The following CNTN1 variants were observed in gnomAD, a reference collection of about 807,000 sequenced individuals.
CNTN1 encodes the protein contactin 1.
A neutral mutation model predicts 126.4 loss-of-function variants in CNTN1; 38 were observed. The ratio of observed to expected loss-of-function variants is 0.30; its 90% CI spans 0.23 to 0.39. The LOEUF is 0.39. CNTN1 is among the 10% of genes least tolerant of loss of function. CNTN1 has a pLI of 1.00. For missense variants in CNTN1, 1,009 were observed against 1,248.4 expected, an observed-to-expected ratio of 0.81 and a Z score of 2.89; for synonymous variants, 413 against 422.6, an observed-to-expected ratio of 0.98 and a Z score of 0.28.
At chr12:40,782,699 A>G (rs1939850505) in intron 1 of CNTN1, among the ~76,000 whole-genome samples, 1 of 151,916 alleles carries the variant, frequency 6.6e-6, no homozygotes, top group Non-Finnish European at 1.5e-5. Context: ...AGAGAAAGTG[A>G]TTTTTCCAGC....
intron 16 of CNTN1, among the ~76,000 whole-genome samples, chr12:40,981,827 C>G: frequency 6.6e-6 from 1 of 151,468 alleles, no homozygotes; most frequent in Non-Finnish European, 1.5e-5. Flanking sequence ...TTGTCATTGC[C>G]AGAATTCTTT....
chr12:40,811,903 G>A (rs1941079749), intron 1 of CNTN1, among the ~76,000 whole-genome samples: 1 of 146,720 alleles, frequency 6.8e-6, no homozygotes, highest in Admixed American at 6.8e-5. Flanking sequence ...TTTCTGCTCT[G>A]ATTTTGTTAT....
chr12:40,938,437 A>C (rs1384087696), intron 11 of CNTN1, among the ~76,000 whole-genome samples: 1 of 152,210 alleles, frequency 6.6e-6, no homozygotes, highest in African/African-American at 2.4e-5. Flanking sequence ...GATGATGCTC[A>C]GTAATTGTAT....
intron 1 of CNTN1, among the ~76,000 whole-genome samples, chr12:40,900,040 T>C (rs529062952): frequency 5.9e-5 from 9 of 152,266 alleles, no homozygotes; most frequent in African/African-American, 2.2e-4. Flanking sequence ...GCAATCCATG[T>C]AATCCCTTTA....
chr12:40,767,253 C>T (rs1939131645), intron 1 of CNTN1, among the ~76,000 whole-genome samples: 2 of 146,178 alleles, frequency 1.4e-5, no homozygotes, highest in South Asian at 4.3e-4. Flanking sequence ...AAGATGTTTA[C>T]TTCTTAATTA....
At chr12:40,907,811 A>G (rs1431584549) in intron 1 of CNTN1, among the ~76,000 whole-genome samples, 1 of 152,188 alleles carries the variant, frequency 6.6e-6, no homozygotes, top group Non-Finnish European at 1.5e-5. Flanking sequence ...ATATTGTAAC[A>G]TTTAAAATTA....
intron 1 of CNTN1, among the ~76,000 whole-genome samples, chr12:40,748,239 G>A (rs1019728784): frequency 1.3e-5 from 2 of 152,090 alleles, no homozygotes; most frequent in Non-Finnish European, 2.9e-5. Context: ...ACATTGGAAG[G>A]GACTGTCTGT....
intron 1 of CNTN1, among the ~76,000 whole-genome samples, chr12:40,805,393 T>C (rs1476289165): frequency 6.6e-6 from 1 of 152,078 alleles, no homozygotes; most frequent in Non-Finnish European, 1.5e-5. Context: ...GTGATTTCTA[T>C]TAGGCTATCC....
At chr12:40,925,477 T>G (rs896596611) in intron 6 of CNTN1, among the ~76,000 whole-genome samples, 1 of 150,812 alleles carries the variant, frequency 6.6e-6, no homozygotes, top group African/African-American at 2.4e-5. Flanking sequence ...TGTATGTACA[T>G]ATACACACAC....
At chr12:40,704,691 T>C (rs1941693598) in intron 1 of CNTN1, among the ~76,000 whole-genome samples, 1 of 152,164 alleles carries the variant, frequency 6.6e-6, no homozygotes, top group Non-Finnish European at 1.5e-5. Flanking sequence ...GTATAAGAAA[T>C]AGTCATTTAC....
intron 3 of CNTN1, 92 bp downstream of exon 3, chr12:40,910,197 A>G: frequency 9.9e-7 from 1 of 1,009,044 alleles, no homozygotes; most frequent in Non-Finnish European, 1.5e-6. Context: ...TCTAAACTTT[A>G]AGGCAAATGG....
rs1234595556 is a variant in CNTN1, at chr12:40,696,496, A to G, written c.-77+3904A>G. The stretch of plus-strand genomic sequence containing the variant: ...TCTATCTGCTTTAATCTAAGATGCC[A>G]TGTATTATTGGTATAATGTGTTTTC... On this transcript the variant is annotated intron_variant, in intron 1 of 23. Transcript: ENST00000551295. 2.0e-5 allele frequency among the ~76,000 whole-genome samples: 3 copies of G among 152,314 alleles called. No homozygotes were observed. In the East Asian group the frequency reaches 5.8e-4, roughly 29 times the overall value.
chr12:40,959,245 C>T lies in CNTN1; in HGVS notation c.1804+11C>T. The T allele has an allele frequency of 6.2e-7, 1 of 1,611,934 alleles. No individual in the cohort carries two copies. The highest frequency in any genetic ancestry group is 8.5e-7 in the Non-Finnish European group (1 of 1,178,620). On this transcript the variant is annotated intron_variant, in intron 15 of 23. Transcript: ENST00000551295. ...ACCTTGTAGTGAGAGGTAAGAGTTTCAACATTTTAAAATTACAAAACCAAA... is the reference window on the plus strand; with the variant it reads ...ACCTTGTAGTGAGAGGTAAGAGTTTTAACATTTTAAAATTACAAAACCAAA...
chr12:40,872,571 C>CTTT (rs35866838), intron 1 of CNTN1, among the ~76,000 whole-genome samples: 19,614 of 108,206 alleles, frequency 0.18, 2,102 homozygotes, highest in South Asian at 0.3. Flanking sequence ...TTTTTTCTTT[C>CTTT]TTTTTTTTTT....
At chr12:40,986,413 C>T (rs1705141538) in intron 16 of CNTN1, among the ~76,000 whole-genome samples, 1 of 152,132 alleles carries the variant, frequency 6.6e-6, no homozygotes. Flanking sequence ...ATGATCTGAG[C>T]ATTGTTAGAT....
chr12:40,734,562 A>G (rs1427399710), intron 1 of CNTN1, among the ~76,000 whole-genome samples: 1 of 152,132 alleles, frequency 6.6e-6, no homozygotes, highest in Non-Finnish European at 1.5e-5. Flanking sequence ...CAAACTGCTC[A>G]GCTTCATTCA....
intron 1 of CNTN1, among the ~76,000 whole-genome samples, chr12:40,857,273 A>G (rs1240631206): frequency 1.3e-5 from 2 of 152,126 alleles, no homozygotes; most frequent in Non-Finnish European, 2.9e-5. Context: ...TTGTATGACT[A>G]TGAGTATTCC....
chr12:40,812,280 C>T (rs1941093605), intron 1 of CNTN1, among the ~76,000 whole-genome samples: 1 of 152,046 alleles, frequency 6.6e-6, no homozygotes, highest in Admixed American at 6.6e-5. Context: ...TTTGCTAAGA[C>T]TGATTTTGTG....
intron 1 of CNTN1, among the ~76,000 whole-genome samples, chr12:40,790,938 T>C (rs1263231413): frequency 6.6e-6 from 1 of 152,150 alleles, no homozygotes; most frequent in Admixed American, 6.6e-5. Context: ...TAGCCAAGGA[T>C]TGTCTTCATA....
Sources: allele counts gnomAD v4.1 joint callset (sites outside exome capture counted in the v4.1 genomes callset), GRCh38; gene constraint gnomAD v4.1.1; transcripts MANE v1.5; gene names NCBI Gene and HGNC (gene_info 2026-07-23, HGNC 2026-07-21).